The following RBFOX1 variants were observed in gnomAD, a reference collection of about 807,000 sequenced individuals.
RBFOX1 encodes the protein RNA binding protein fox-1 homolog 1.
In RBFOX1, 8 loss-of-function variants were observed where a neutral mutation model predicts 57.7. The observed-to-expected ratio is 0.14, with a 90% CI of 0.08 to 0.25. The LOEUF is 0.25. RBFOX1 is among the 10% of genes least tolerant of loss of function. The probability of loss-of-function intolerance (pLI) is 1.00; values close to 1 mark genes in which losing one functional copy is unlikely to be tolerated. For synonymous variants in RBFOX1, 326 were observed against 222.4 expected, an observed-to-expected ratio of 1.47 and a Z score of -4.15; for missense variants, 611 against 548.5, an observed-to-expected ratio of 1.11 and a Z score of -1.14.
At chr16:5,708,385 T>C (rs1324651079) in intron 3 of RBFOX1, among the ~76,000 whole-genome samples, 3 of 152,198 alleles carry the variant, frequency 2.0e-5, no homozygotes, top group East Asian at 1.9e-4. Flanking sequence ...ATTCCTTTGA[T>C]AGTTCAATCA....
chr16:6,274,998 C>T (rs537697840), intron 1 of RBFOX1, among the ~76,000 whole-genome samples: 7 of 152,250 alleles, frequency 4.6e-5, no homozygotes, highest in South Asian at 4.1e-4. Context: ...TGAGATATGT[C>T]GCTCTTGTCC....
In RBFOX1 at chr16:7,575,785, A is replaced by G. The variant is rs147449790; in HGVS notation, c.271-3992A>G. On this transcript the variant is annotated intron_variant, in intron 5 of 15. Transcript: ENST00000550418. ...ATGTTTTCCCCGGAAGGTCCCAGAA[A>G]AAAGAGAAAGAAAAGAGATCACACT... Among the ~76,000 whole-genome samples, 508 of 152,302 alleles carry G rather than the reference A, an allele frequency of 3.3e-3. 4 individuals carry two copies. Among genetic ancestry groups the G allele is most frequent in the African/African-American group, 0.012 (482 of 41,568 alleles).
chr16:7,224,911 A>G (rs1412418268), intron 4 of RBFOX1, among the ~76,000 whole-genome samples: 1 of 152,160 alleles, frequency 6.6e-6, no homozygotes, highest in Non-Finnish European at 1.5e-5. Context: ...TTTGAGTTAG[A>G]GAAGCACTGT....
intron 2 of RBFOX1, among the ~76,000 whole-genome samples, chr16:6,318,680 C>G (rs2081394329): frequency 6.6e-6 from 1 of 152,032 alleles, no homozygotes; most frequent in South Asian, 2.1e-4. Context: ...ATAATTAGTA[C>G]ATGGATGTAA....
intron 1 of RBFOX1, among the ~76,000 whole-genome samples, chr16:6,179,658 C>T (rs772370857): frequency 7.2e-5 from 11 of 152,194 alleles, no homozygotes; most frequent in Non-Finnish European, 1.5e-4. Context: ...GCTGCTGCCT[C>T]TCCTTCTCCT....
chr16:6,281,547 G>C (rs2076379611), intron 1 of RBFOX1, among the ~76,000 whole-genome samples: 1 of 152,092 alleles, frequency 6.6e-6, no homozygotes, highest in South Asian at 2.1e-4. Flanking sequence ...GCAGGGGAGA[G>C]GAAGAGACTT....
At chr16:6,324,702 AC>A (rs1316699783) in intron 2 of RBFOX1, among the ~76,000 whole-genome samples, 1 of 152,244 alleles carries the variant, frequency 6.6e-6, no homozygotes, top group Non-Finnish European at 1.5e-5. Flanking sequence ...TTACCGTTCA[AC>A]ATGAGATTTG....
chr16:5,454,029 G>T (rs919047732), intron 1 of RBFOX1, among the ~76,000 whole-genome samples: 1 of 152,188 alleles, frequency 6.6e-6, no homozygotes, highest in Admixed American at 6.5e-5. Flanking sequence ...AAGAGAGGGA[G>T]GGAAAAGGAG....
Position 5,913,605 on chromosome 16 carries a change from T to G in RBFOX1, c.351+46270T>G, listed in dbSNP as rs148407306. ...ATGCTGGAGCCATGCTTGTACAGCC[T>G]GAAGAACTGTGAGCCAAGTAAACCT... is the stretch of plus-strand genomic sequence containing the variant. On this transcript the variant is annotated intron_variant, in intron 4 of 19. Coordinates refer to the RBFOX1 transcript ENST00000641259. Among the ~76,000 whole-genome samples the G allele has an allele frequency of 2.2e-3, 339 of 152,348 alleles. 3 individuals are homozygous for G. Among genetic ancestry groups the G allele is most frequent in the African/African-American group, 7.9e-3 (329 of 41,572 alleles).
At chr16:5,431,479 A>C (rs1475706553) in intron 1 of RBFOX1, among the ~76,000 whole-genome samples, 1 of 151,914 alleles carries the variant, frequency 6.6e-6, no homozygotes, top group African/African-American at 2.4e-5. Flanking sequence ...GGTTCAAGCA[A>C]TTCTTCTGCC....
intron 3 of RBFOX1, among the ~76,000 whole-genome samples, chr16:7,049,626 G>T (rs1194764061): frequency 6.6e-6 from 1 of 152,034 alleles, no homozygotes; most frequent in Non-Finnish European, 1.5e-5. Context: ...AAGGGGTATT[G>T]GTGGTGGGAG....
intron 3 of RBFOX1, among the ~76,000 whole-genome samples, chr16:5,679,529 G>C (rs1334550175): frequency 6.6e-6 from 1 of 152,034 alleles, no homozygotes; most frequent in African/African-American, 2.4e-5. Flanking sequence ...ACAGGTCCCG[G>C]TGTGTGGCGT....
At chr16:7,066,666 A>T (rs560324562) in intron 4 of RBFOX1, among the ~76,000 whole-genome samples, 2 of 152,326 alleles carry the variant, frequency 1.3e-5, no homozygotes, top group African/African-American at 2.4e-5. Flanking sequence ...CAATTATAGA[A>T]ATCTATGTGT....
At chr16:5,751,805 G>T (rs1205067179) in intron 3 of RBFOX1, among the ~76,000 whole-genome samples, 1 of 152,144 alleles carries the variant, frequency 6.6e-6, no homozygotes, top group African/African-American at 2.4e-5. Context: ...CATTTTAATG[G>T]TTTTTTATTC....
chr16:5,640,378 A>T (rs1567333512), intron 3 of RBFOX1, among the ~76,000 whole-genome samples: 2 of 148,164 alleles, frequency 1.3e-5, no homozygotes, highest in Non-Finnish European at 2.9e-5. Context: ...CATGTACATC[A>T]TGCATGCATG....
intron 13 of RBFOX1, among the ~76,000 whole-genome samples, chr16:7,667,855 G>C (rs2069910574): frequency 6.6e-6 from 1 of 152,016 alleles, no homozygotes; most frequent in Non-Finnish European, 1.5e-5. Flanking sequence ...TGTATTTTTA[G>C]TAAAGACAGG....
intron 4 of RBFOX1, among the ~76,000 whole-genome samples, chr16:7,183,121 A>T (rs1476879867): frequency 6.6e-6 from 1 of 152,160 alleles, no homozygotes; most frequent in Non-Finnish European, 1.5e-5. Flanking sequence ...GAATTGCCCC[A>T]GCTGGGATCA....
chr16:6,534,599 C>T (rs114432418), intron 2 of RBFOX1, among the ~76,000 whole-genome samples: 9 of 152,166 alleles, frequency 5.9e-5, no homozygotes, highest in African/African-American at 1.2e-4. Context: ...TATTGATACC[C>T]GGGTGATTTA....
chr16:6,562,069 A>G (rs4563043), intron 2 of RBFOX1, among the ~76,000 whole-genome samples: 75,605 of 152,038 alleles, frequency 0.5, 21,540 homozygotes, highest in East Asian at 0.73. Context: ...CATTTCCATC[A>G]TTACTGATGT....
Sources: allele counts gnomAD v4.1 joint callset (sites outside exome capture counted in the v4.1 genomes callset), GRCh38; gene constraint gnomAD v4.1.1; transcripts MANE v1.5; gene names NCBI Gene and HGNC (gene_info 2026-07-23, HGNC 2026-07-21).